The following ADAMTS3 variants were observed in gnomAD, a reference collection of about 807,000 sequenced individuals.
ADAMTS3 encodes the protein A disintegrin and metalloproteinase with thrombospondin motifs 3.
A neutral mutation model predicts 129.0 loss-of-function variants in ADAMTS3; 73 were observed. The observed-to-expected ratio is 0.57, with a 90% CI of 0.47 to 0.69. The LOEUF (loss-of-function observed/expected upper bound fraction) is 0.69, where lower values mean the gene tolerates loss of function less well. Among genes scored for constraint, ADAMTS3 ranks in the 30% least tolerant of loss-of-function variants. The pLI, the probability that ADAMTS3 is intolerant of heterozygous loss-of-function variation, is 0.00. For missense variants in ADAMTS3, 1,457 were observed against 1,514.5 expected (o/e 0.96, Z 0.63); for synonymous variants, 477 against 510.8 (o/e 0.93, Z 0.89).
chr4:72,370,954 G>A (rs1051779119), intron 4 of ADAMTS3, among the ~76,000 whole-genome samples: 8 of 152,136 alleles, frequency 5.3e-5, no homozygotes, highest in Non-Finnish European at 8.8e-5. Context: ...ATGAATTAGC[G>A]TGGGACCTAA....
chr4:72,375,951 G>T (rs1457273230), intron 4 of ADAMTS3, among the ~76,000 whole-genome samples: 1 of 152,154 alleles, frequency 6.6e-6, no homozygotes, highest in Non-Finnish European at 1.5e-5. Context: ...TGACGCAGAA[G>T]TTGCAAGGTG....
chr4:72,559,236 G>A (rs1721842697), intron 2 of ADAMTS3, among the ~76,000 whole-genome samples: 1 of 151,658 alleles, frequency 6.6e-6, no homozygotes, highest in African/African-American at 2.4e-5. Context: ...AGCATCCAAA[G>A]GAGTCATGAC....
chr4:72,539,466 C>G (rs1721264478), intron 3 of ADAMTS3, among the ~76,000 whole-genome samples: 1 of 146,696 alleles, frequency 6.8e-6, no homozygotes, highest in South Asian at 2.2e-4. Flanking sequence ...CACCCACCTC[C>G]CAACCTTTAG....
At chr4:72,353,821 C>G (rs1484558068) in intron 4 of ADAMTS3, among the ~76,000 whole-genome samples, 1 of 151,938 alleles carries the variant, frequency 6.6e-6, no homozygotes, top group Admixed American at 6.6e-5. Flanking sequence ...AATTCACATC[C>G]ATGTAATAAC....
At position 72,301,267 on chromosome 4, in the gene ADAMTS3, G is replaced by A. The variant is rs551703291; in HGVS notation, c.2424+2650C>T. Among the ~76,000 whole-genome samples, 663 of 151,938 alleles carry A rather than the reference G, an allele frequency of 4.4e-3. 4 individuals are homozygous for A. The highest frequency in any genetic ancestry group is 0.024 in the Middle Eastern group (7 of 294). On this transcript the variant is annotated intron_variant, in intron 17 of 21. Transcript: ENST00000286657. The stretch of plus-strand genomic sequence containing the variant: ...AACACCAAAATCTTTATCCACAAAA[G>A]AAAACATTAAAAAATTGGACTTCGA...
intron 2 of ADAMTS3, among the ~76,000 whole-genome samples, chr4:72,553,431 T>C (rs1721690372): frequency 1.3e-5 from 2 of 152,112 alleles, no homozygotes; most frequent in South Asian, 4.1e-4. Flanking sequence ...ACTATACAGG[T>C]CAAAAACTAA....
At chr4:72,320,601 G>C in intron 7 of ADAMTS3, 113 bp downstream of exon 7, 1 of 1,090,012 alleles carries the variant, frequency 9.2e-7, no homozygotes, top group South Asian at 1.6e-5. Context: ...CTTGGCCGGT[G>C]TGTGGTGGAA....
At chr4:72,512,356 G>A (rs1368404036) in intron 3 of ADAMTS3, among the ~76,000 whole-genome samples, 1 of 152,060 alleles carries the variant, frequency 6.6e-6, no homozygotes, top group Non-Finnish European at 1.5e-5. Flanking sequence ...GCCAGGGATG[G>A]TGGCATGTGC....
At chr4:72,340,303 T>C (rs1376371371) in intron 4 of ADAMTS3, among the ~76,000 whole-genome samples, 1 of 132,212 alleles carries the variant, frequency 7.6e-6, no homozygotes, top group Non-Finnish European at 1.6e-5. Context: ...ACAGGGTATA[T>C]ACTATATACA....
chr4:72,560,124 G>A (rs368023860), intron 2 of ADAMTS3, among the ~76,000 whole-genome samples: 63 of 149,274 alleles, frequency 4.2e-4, no homozygotes, highest in Non-Finnish European at 6.5e-4. Flanking sequence ...GAACTGGCTA[G>A]TCATATGCAG....
intron 12 of ADAMTS3, among the ~76,000 whole-genome samples, chr4:72,313,096 C>T (rs926796836): frequency 6.6e-6 from 1 of 152,164 alleles, no homozygotes; most frequent in African/African-American, 2.4e-5. Flanking sequence ...AAGCTGCTCA[C>T]ATATTAAACC....
intron 16 of ADAMTS3, among the ~76,000 whole-genome samples, chr4:72,305,552 A>C (rs1009317188): frequency 2.0e-5 from 3 of 151,986 alleles, no homozygotes; most frequent in Non-Finnish European, 2.9e-5. Flanking sequence ...TAAGCTTGTC[A>C]AATGATTTTT....
In ADAMTS3 at chr4:72,318,564, C is replaced by A; in HGVS notation, c.1485+8G>T. On this transcript the variant is annotated splice_region_variant and intron_variant, in intron 10 of 21. Transcript: ENST00000286657. Reference sequence around the variant, plus strand: ...CTGCAAAATCTACATCAACTGTGAGCAACATACCGCGGTGCACATTTTATA... The same window carrying A: ...CTGCAAAATCTACATCAACTGTGAGAAACATACCGCGGTGCACATTTTATA... 1 of 1,611,678 alleles carries A rather than the reference C, an allele frequency of 6.2e-7. No individual in the cohort carries two copies. Among genetic ancestry groups the A allele is most frequent in the African/African-American group, 1.3e-5 (1 of 74,916 alleles).
chr4:72,548,518 AT>A lies in ADAMTS3; in HGVS notation c.463del (p.Ile155PhefsTer17). On this transcript the variant is annotated frameshift_variant, in exon 3 of 22. Transcript: ENST00000286657. LOFTEE classifies it high-confidence loss of function. The stretch of plus-strand genomic sequence containing the variant: ...GCTGATGGCAACAGAGGTTCCTGGA[AT>A]GTCCACGATGTCACCAACATAAGCA... ...NCAYVGDIVD[I>X]PGTSVAISNC... 6.2e-7 allele frequency: 1 copy of A among 1,613,876 alleles called. No individual in the cohort carries two copies. The highest frequency in any genetic ancestry group is 8.5e-7 in the Non-Finnish European group (1 of 1,179,836).
intron 11 of ADAMTS3, among the ~76,000 whole-genome samples, chr4:72,315,084 G>A (rs2109801772): frequency 6.6e-6 from 1 of 152,248 alleles, no homozygotes; most frequent in Non-Finnish European, 1.5e-5. Context: ...CTTCCCTAAG[G>A]AACAAGGCCA....
chr4:72,312,535 T>G (rs1719270634), intron 12 of ADAMTS3, 69 bp from the exon 13 acceptor site: 6 of 1,501,970 alleles, frequency 4.0e-6, no homozygotes, highest in Non-Finnish European at 5.4e-6. Flanking sequence ...GCAGACACAG[T>G]GCTTGAGGGC....
Position 72,313,659 on chromosome 4 carries a change from T to C in ADAMTS3, c.1745+18A>G, listed in dbSNP as rs755222076. ...CTGGTCTCTCCAAAAATAACAAGAG[T>C]TACAAGGATATACTCACATGGGATT... is the stretch of plus-strand genomic sequence containing the variant. On this transcript the variant is annotated intron_variant, in intron 12 of 21. Coordinates refer to ENST00000286657, the MANE Select transcript of ADAMTS3 (RefSeq NM_014243.3). 1.2e-6 allele frequency: 2 copies of C among 1,610,854 alleles called. No homozygotes were observed. The highest frequency in any genetic ancestry group is 2.7e-5 in the African/African-American group (2 of 74,778).
intron 4 of ADAMTS3, among the ~76,000 whole-genome samples, chr4:72,404,151 C>T (rs1223344352): frequency 6.6e-6 from 1 of 151,996 alleles, no homozygotes; most frequent in African/African-American, 2.4e-5. Flanking sequence ...GCATTTTTTA[C>T]GGACATAGAA....
chr4:72,514,483 C>T (rs1371894482), intron 3 of ADAMTS3, among the ~76,000 whole-genome samples: 1 of 152,150 alleles, frequency 6.6e-6, no homozygotes, highest in Non-Finnish European at 1.5e-5. Context: ...CTAAGAATAG[C>T]TGGCTCTTCT....
Sources: allele counts gnomAD v4.1 joint callset (sites outside exome capture counted in the v4.1 genomes callset), GRCh38; gene constraint gnomAD v4.1.1; transcripts MANE v1.5; gene names NCBI Gene and HGNC (gene_info 2026-07-23, HGNC 2026-07-21).